Variants in RIN2 observed in about 807,000 individuals in gnomAD.
RIN2 encodes Ras and Rab interactor 2, also known as RAB5 interacting protein 2.
Under a neutral mutation model 78.0 loss-of-function variants are expected in RIN2, and 36 were observed. The observed-to-expected ratio is 0.46, with a 90% CI of 0.35 to 0.61. The LOEUF (loss-of-function observed/expected upper bound fraction) is 0.61, where lower values mean the gene tolerates loss of function less well. Among genes scored for constraint, RIN2 ranks in the 20% least tolerant of loss-of-function variants. The pLI, the probability that RIN2 is intolerant of heterozygous loss-of-function variation, is 0.00. For missense variants in RIN2, 1,087 were observed against 1,159.7 expected (o/e 0.94, Z 0.91); for synonymous variants, 466 against 466.8 (o/e 1.00, Z 0.02).
At chr20:19,945,914 G>A (rs150242668) in intron 4 of RIN2, among the ~76,000 whole-genome samples, 140 of 152,274 alleles carry the variant, frequency 9.2e-4, no homozygotes, top group African/African-American at 2.9e-3. Flanking sequence ...GATTTTTGCC[G>A]CCCATTTCCT....
intron 3 of RIN2, among the ~76,000 whole-genome samples, chr20:19,910,053 C>T (rs774475117): frequency 1.2e-4 from 18 of 152,212 alleles, no homozygotes; most frequent in Admixed American, 7.9e-4. Context: ...AGAGATTTCC[C>T]AACAGGAAGA....
At chr20:19,892,937 C>T (rs56138509) in intron 3 of RIN2, among the ~76,000 whole-genome samples, 3,971 of 152,242 alleles carry the variant, frequency 0.026, 105 homozygotes, top group African/African-American at 0.061. Flanking sequence ...ACCTATTAAG[C>T]GCCCATGAGC....
intron 3 of RIN2, among the ~76,000 whole-genome samples, chr20:19,892,666 C>T (rs2038533477): frequency 6.6e-6 from 1 of 152,228 alleles, no homozygotes; most frequent in Admixed American, 6.5e-5. Context: ...CGTGAGCCAC[C>T]GCACCCAGCC....
chr20:19,909,105 C>T (rs1045581777), intron 3 of RIN2, among the ~76,000 whole-genome samples: 1 of 152,176 alleles, frequency 6.6e-6, no homozygotes, highest in Non-Finnish European at 1.5e-5. Flanking sequence ...GTCAGGTGAT[C>T]CACCCACCTG....
In RIN2 at chr20:19,975,196, G is replaced by A. The variant is rs2146321261; in HGVS notation, c.1171G>A (p.Gly391Ser). 1 of 1,602,126 alleles carries A rather than the reference G, an allele frequency of 6.2e-7. No homozygotes were observed. The highest frequency in any genetic ancestry group is 1.1e-5 in the South Asian group (1 of 90,134). Residue 391 changes from glycine (G) to serine (S), a missense_variant, in exon 9 of 13, where the codon GGC becomes AGC. By Grantham distance (56) the Gly-to-Ser change is moderately conservative (BLOSUM62 0). This residue lies in a region of RIN2 where 706 missense variants were observed against 667.5 expected (regional missense o/e 1.06). Coordinates refer to ENST00000255006, the MANE Select transcript of RIN2 (RefSeq NM_018993.4). The surrounding 1 kb of genome is among the most constrained non-coding windows in gnomAD (Gnocchi z 4.9). Reference protein sequence around the residue: ...RPGAGPELELGTAGSPGGAPP... With the variant: ...RPGAGPELELSTAGSPGGAPP... ...GGGCGCAGGCCCGGAGCTGGAGCTG[G>A]GCACAGCTGGCAGCCCAGGTGGGGC...
chr20:19,781,727 C>CT (rs2034513880), intron 1 of RIN2, among the ~76,000 whole-genome samples: 1 of 151,622 alleles, frequency 6.6e-6, no homozygotes, highest in Non-Finnish European at 1.5e-5. Context: ...AGCGCAAGGC[C>CT]TATTTAGCAA....
At chr20:19,883,830 A>T (rs1399957897) in intron 2 of RIN2, among the ~76,000 whole-genome samples, 1 of 151,634 alleles carries the variant, frequency 6.6e-6, no homozygotes, top group Non-Finnish European at 1.5e-5. Flanking sequence ...CCCCATTTAC[A>T]GGCCAGTCCT....
chr20:19,841,811 T>A (rs2036586062), intron 2 of RIN2, among the ~76,000 whole-genome samples: 2 of 152,196 alleles, frequency 1.3e-5, no homozygotes, highest in African/African-American at 4.8e-5. Context: ...CTAACAAAGT[T>A]AGTTCATGAG....
intron 4 of RIN2, among the ~76,000 whole-genome samples, chr20:19,935,824 G>A (rs1408693050): frequency 6.6e-6 from 1 of 151,770 alleles, no homozygotes; most frequent in Admixed American, 6.6e-5. Context: ...GGGGGTGGTG[G>A]GAAGTTGAAG....
chr20:19,842,967 T>A (rs949890898), intron 2 of RIN2, among the ~76,000 whole-genome samples: 7 of 152,190 alleles, frequency 4.6e-5, no homozygotes, highest in South Asian at 2.1e-4. Context: ...TGATGCCAAC[T>A]CTCATGAATG....
At chr20:19,934,724 C>A in intron 3 of RIN2, 1 of 535,880 alleles carries the variant, frequency 1.9e-6, no homozygotes, top group Non-Finnish European at 2.4e-6. Context: ...GTTTCCCTTG[C>A]CAAATGAATA....
At chr20:19,838,849 G>A (rs1186399542) in intron 2 of RIN2, among the ~76,000 whole-genome samples, 1 of 152,006 alleles carries the variant, frequency 6.6e-6, no homozygotes, top group South Asian at 2.1e-4. Flanking sequence ...GGGTACCACC[G>A]CCTCCCCACA....
At chr20:19,958,202 G>C (rs2041617960) in intron 5 of RIN2, among the ~76,000 whole-genome samples, 2 of 152,246 alleles carry the variant, frequency 1.3e-5, no homozygotes, top group African/African-American at 4.8e-5. Flanking sequence ...GGGGAACAAG[G>C]CACGGTGCTT....
chr20:19,872,097 T>C (rs1415103120), intron 2 of RIN2: 1 of 152,098 alleles, frequency 6.6e-6, no homozygotes, highest in Admixed American at 6.5e-5. Context: ...CTAGTGATAG[T>C]AACTGAGTGC....
At chr20:19,939,716 T>C (rs2040786716) in intron 4 of RIN2, among the ~76,000 whole-genome samples, 1 of 152,190 alleles carries the variant, frequency 6.6e-6, no homozygotes, top group Non-Finnish European at 1.5e-5. Flanking sequence ...GTTCCTTCTG[T>C]CTGGCACATC....
At chr20:19,770,267 G>T (rs2034060683) in intron 1 of RIN2, among the ~76,000 whole-genome samples, 1 of 152,212 alleles carries the variant, frequency 6.6e-6, no homozygotes, top group East Asian at 1.9e-4. Context: ...ACTGTTGAAG[G>T]TTGACTGAGC....
intron 3 of RIN2, among the ~76,000 whole-genome samples, chr20:19,899,541 G>A (rs776257554): frequency 6.6e-6 from 1 of 152,088 alleles, no homozygotes; most frequent in Non-Finnish European, 1.5e-5. Context: ...AGATCTAAAC[G>A]CAGTTTAGCT....
chr20:19,830,381 A>G (rs1479295809), intron 2 of RIN2, among the ~76,000 whole-genome samples: 2 of 151,998 alleles, frequency 1.3e-5, no homozygotes, highest in Admixed American at 6.6e-5. Flanking sequence ...CCTCTCTTTC[A>G]TGCTTCATTC....
intron 2 of RIN2, among the ~76,000 whole-genome samples, chr20:19,831,081 C>A (rs1158671065): frequency 1.3e-5 from 2 of 152,130 alleles, no homozygotes; most frequent in African/African-American, 2.4e-5. Context: ...CAACCCATGA[C>A]CATCAGCCTC....
Sources: allele counts gnomAD v4.1 joint callset (sites outside exome capture counted in the v4.1 genomes callset), GRCh38; gene constraint gnomAD v4.1.1; regional missense constraint gnomAD v4.1.1; non-coding constraint Gnocchi (gnomAD v3.1); transcripts MANE v1.5; gene names NCBI Gene and HGNC (gene_info 2026-07-23, HGNC 2026-07-21).